GDPD5: variants seen among roughly 807,000 people sequenced by gnomAD.
The protein encoded by GDPD5 is glycerophosphodiester phosphodiesterase domain containing 5, also known as glycerophosphodiester phosphodiesterase 2.
GDPD5 carries 48 observed loss-of-function variants against 75.1 expected under a neutral mutation model. The observed-to-expected ratio is 0.64, with a 90% CI of 0.51 to 0.81. The LOEUF (loss-of-function observed/expected upper bound fraction) is 0.81. GDPD5 is among the 40% of genes least tolerant of loss of function. The probability of loss-of-function intolerance (pLI) is 0.00; values close to 1 mark genes in which losing one functional copy is unlikely to be tolerated. For synonymous variants in GDPD5, 336 were observed against 339.0 expected (o/e 0.99, Z 0.10); for missense variants, 706 against 822.6 (o/e 0.86, Z 1.73).
chr11:75,525,187 T>G (rs2135529978), intron 1 of GDPD5, 23 bp downstream of exon 1: 1 of 152,726 alleles, frequency 6.5e-6, no homozygotes, highest in South Asian at 2.1e-4. Context: ...GGACCGCTCC[T>G]GCCGCGCATC....
At chr11:75,485,676 C>T (rs941630611) in intron 2 of GDPD5, 4 of 152,240 alleles carry the variant, frequency 2.6e-5, no homozygotes, top group Admixed American at 6.5e-5. Flanking sequence ...GTTGCAGCCC[C>T]ACAGGGCGGG....
intron 1 of GDPD5, among the ~76,000 whole-genome samples, chr11:75,515,463 T>C (rs1011072745): frequency 6.6e-6 from 1 of 152,240 alleles, no homozygotes; most frequent in Non-Finnish European, 1.5e-5. Context: ...TTGGTGGCAC[T>C]TGCTGCACGG....
intron 6 of GDPD5, among the ~76,000 whole-genome samples, chr11:75,454,027 G>A (rs1190325831): frequency 2.0e-5 from 3 of 152,124 alleles, no homozygotes; most frequent in East Asian, 1.9e-4. Flanking sequence ...ATTCAAGTAT[G>A]TAAGAATAAA....
intron 9 of GDPD5, chr11:75,448,723 T>C (rs1949051065): frequency 8.3e-7 from 1 of 1,200,744 alleles, no homozygotes; most frequent in Admixed American, 4.9e-5. Context: ...GGGTCTAGCC[T>C]GGGCCTAAAA....
intron 1 of GDPD5, among the ~76,000 whole-genome samples, chr11:75,514,878 C>G (rs1950604001): frequency 6.6e-6 from 1 of 152,192 alleles, no homozygotes; most frequent in Non-Finnish European, 1.5e-5. Context: ...ATACAGGATG[C>G]TGTCTCATTC....
At chr11:75,521,974 C>A (rs1343112493) in intron 1 of GDPD5, among the ~76,000 whole-genome samples, 1 of 152,146 alleles carries the variant, frequency 6.6e-6, no homozygotes, top group Non-Finnish European at 1.5e-5. Context: ...TAAATGGGGG[C>A]TCCATTAAGC....
chr11:75,442,279 A>C, intron 12 of GDPD5, 84 bp downstream of exon 12: 1 of 1,014,100 alleles, frequency 9.9e-7, no homozygotes, highest in South Asian at 1.6e-5. Context: ...TGAAGTCCGG[A>C]GTGCAACAGG....
At chr11:75,439,723 G>A (rs976020377) in intron 15 of GDPD5, among the ~76,000 whole-genome samples, 156 bp downstream of exon 15, 1 of 152,152 alleles carries the variant, frequency 6.6e-6, no homozygotes, top group African/African-American at 2.4e-5. Context: ...GCCTCTGTCT[G>A]AGGGAGGATG....
intron 13 of GDPD5, 61 bp from the exon 14 acceptor site, chr11:75,441,371 G>C: frequency 6.3e-7 from 1 of 1,598,572 alleles, no homozygotes. Context: ...GCCCAGTGTC[G>C]GGGCTGGTAA....
chr11:75,485,939 C>T (rs1465719532), intron 2 of GDPD5, among the ~76,000 whole-genome samples: 2 of 152,124 alleles, frequency 1.3e-5, no homozygotes, highest in African/African-American at 2.4e-5. Context: ...GGAGAGACAC[C>T]CCCCTTCTCC....
At position 75,457,780 on chromosome 11, in the gene GDPD5, G is replaced by T; in HGVS notation, c.228C>A (p.Leu76=). 1 of 1,613,892 alleles carries T rather than the reference G, an allele frequency of 6.2e-7. No homozygotes were observed. Among genetic ancestry groups the T allele is most frequent in the Non-Finnish European group, 8.5e-7 (1 of 1,179,838 alleles). The part of the protein sequence containing the change: ...HNDYDEFNWY[L]YNRMGYWSDW... Reference sequence around the variant, plus strand: ...CGCTCCAGTAGCCCATGCGGTTGTAGAGGTACCTGCCAGGAGGAGAGGGGG... The same window carrying T: ...CGCTCCAGTAGCCCATGCGGTTGTATAGGTACCTGCCAGGAGGAGAGGGGG... Residue 76 remains leucine, a synonymous_variant, in exon 5 of 17, where the codon CTC becomes CTA. Transcript: ENST00000336898.
intron 1 of GDPD5, among the ~76,000 whole-genome samples, chr11:75,521,303 A>C (rs576210023): frequency 6.6e-6 from 1 of 152,180 alleles, no homozygotes; most frequent in Non-Finnish European, 1.5e-5. Context: ...TTTTACACAC[A>C]AAGTATGCTT....
intron 2 of GDPD5, among the ~76,000 whole-genome samples, chr11:75,478,252 C>T (rs1265672598): frequency 6.6e-6 from 1 of 152,206 alleles, no homozygotes; most frequent in Non-Finnish European, 1.5e-5. Context: ...TGGGTTCAAG[C>T]AATTCTCTTG....
chr11:75,493,495 G>A (rs896630493), intron 1 of GDPD5, among the ~76,000 whole-genome samples: 5 of 151,890 alleles, frequency 3.3e-5, no homozygotes, highest in African/African-American at 4.8e-5. Context: ...TTGAACTCCC[G>A]GACTCAAGCA....
intron 4 of GDPD5, among the ~76,000 whole-genome samples, chr11:75,459,592 G>GCGGGCAGATCACGAGGT (rs1949368233): frequency 1.3e-5 from 2 of 152,138 alleles, no homozygotes; most frequent in South Asian, 4.1e-4. Context: ...GGAGGCTGAG[G>GCGGGCAGATCACGAGGT]CGGGCAGATC....
At chr11:75,446,345 AG>A (rs11328124) in intron 9 of GDPD5, among the ~76,000 whole-genome samples, 27,636 of 152,120 alleles carry the variant, frequency 0.18, 3,191 homozygotes, top group South Asian at 0.24. Context: ...TCAGGACTCC[AG>A]GAAGGCCCCA....
intron 1 of GDPD5, among the ~76,000 whole-genome samples, chr11:75,512,734 G>C (rs2135489937): frequency 6.6e-6 from 1 of 151,722 alleles, no homozygotes; most frequent in East Asian, 1.9e-4. Flanking sequence ...TGACCAACAT[G>C]ATGAAACCCT....
chr11:75,524,817 A>C (rs1024667069), intron 1 of GDPD5, among the ~76,000 whole-genome samples: 7 of 149,530 alleles, frequency 4.7e-5, no homozygotes, highest in African/African-American at 1.8e-4. Flanking sequence ...AGGCAAGAAG[A>C]AGCCACTTCC....
At chr11:75,441,490 G>A (rs1406941219) in intron 13 of GDPD5, among the ~76,000 whole-genome samples, 156 bp downstream of exon 13, 1 of 152,146 alleles carries the variant, frequency 6.6e-6, no homozygotes, top group African/African-American at 2.4e-5. Flanking sequence ...TCACCCTCTT[G>A]TCTTTGAACC....
Sources: gnomAD v4.1 joint callset for allele counts (sites outside exome capture counted in the v4.1 genomes callset) on GRCh38, gnomAD v4.1.1 for gene constraint, MANE v1.5 for transcripts, NCBI Gene and HGNC (gene_info 2026-07-23, HGNC 2026-07-21) for gene names.